LRRC49: variants seen among roughly 807,000 people sequenced by gnomAD.
LRRC49 encodes leucine-rich repeat-containing protein 49.
A neutral mutation model predicts 83.3 loss-of-function variants in LRRC49; 50 were observed. That is an observed-to-expected ratio of 0.60 (90% CI 0.48 to 0.76). The LOEUF is 0.76. Ranked by LOEUF, LRRC49 falls within the 30% of genes least tolerant of loss-of-function variation. The probability of loss-of-function intolerance (pLI) is 0.00; values close to 1 mark genes in which losing one functional copy is unlikely to be tolerated. For missense variants in LRRC49, 704 were observed against 809.1 expected (o/e 0.87, Z 1.58); for synonymous variants, 286 against 283.3 (o/e 1.01, Z -0.10).
intron 14 of LRRC49, among the ~76,000 whole-genome samples, chr15:71,018,634 A>G (rs1238650021): frequency 6.6e-6 from 1 of 152,178 alleles, no homozygotes; most frequent in African/African-American, 2.4e-5. Context: ...TTTTCCCTAC[A>G]CACTAGCCAG....
chr15:71,040,466 G>T (rs1815101227), intron 15 of LRRC49, among the ~76,000 whole-genome samples: 1 of 152,110 alleles, frequency 6.6e-6, no homozygotes, highest in Non-Finnish European at 1.5e-5. Context: ...TTGACTTTGA[G>T]TTAATGAAGA....
intron 6 of LRRC49, among the ~76,000 whole-genome samples, chr15:70,916,612 C>T (rs1037495275): frequency 3.3e-5 from 5 of 152,196 alleles, no homozygotes; most frequent in East Asian, 1.9e-4. Flanking sequence ...TGATTATTAA[C>T]GGCAGCAGCA....
intron 1 of LRRC49, among the ~76,000 whole-genome samples, chr15:70,862,947 T>A (rs79771242): frequency 0.016 from 2,457 of 152,236 alleles, 64 homozygotes; most frequent in African/African-American, 0.056. Context: ...ATTGTTCAGG[T>A]TGTACACAGC....
intron 2 of LRRC49, chr15:70,894,461 C>T: frequency 6.0e-6 from 2 of 335,278 alleles, no homozygotes; most frequent in East Asian, 8.9e-5. Flanking sequence ...TTTTTTTCCC[C>T]AAGATTATTT....
intron 11 of LRRC49, among the ~76,000 whole-genome samples, chr15:71,007,580 G>A (rs1359305038): frequency 6.6e-6 from 1 of 151,534 alleles, no homozygotes; most frequent in African/African-American, 2.4e-5. Context: ...TATTCACAAA[G>A]CAGATAATAT....
At chr15:70,957,231 T>G (rs1024049551) in intron 8 of LRRC49, among the ~76,000 whole-genome samples, 1 of 152,202 alleles carries the variant, frequency 6.6e-6, no homozygotes, top group African/African-American at 2.4e-5. Context: ...AGTTTAAAAT[T>G]CTACTTAGCA....
chr15:70,966,697 C>G (rs1388186866), intron 9 of LRRC49, among the ~76,000 whole-genome samples: 1 of 152,098 alleles, frequency 6.6e-6, no homozygotes, highest in Non-Finnish European at 1.5e-5. Flanking sequence ...GACCAAACTA[C>G]TTAGTAAACA....
At chr15:70,916,629 C>G (rs1373398969) in intron 6 of LRRC49, among the ~76,000 whole-genome samples, 1 of 152,200 alleles carries the variant, frequency 6.6e-6, no homozygotes, top group Non-Finnish European at 1.5e-5. Context: ...AGCAGGCCAT[C>G]TGGAGTGGCT....
intron 13 of LRRC49, among the ~76,000 whole-genome samples, chr15:71,011,559 G>A (rs1282613173): frequency 6.6e-6 from 1 of 151,974 alleles, no homozygotes; most frequent in Non-Finnish European, 1.5e-5. Context: ...TGTTTGTTAG[G>A]TCCTTGACCT....
intron 8 of LRRC49, among the ~76,000 whole-genome samples, chr15:70,939,167 T>C (rs939437327): frequency 7.9e-5 from 12 of 152,182 alleles, no homozygotes; most frequent in Non-Finnish European, 2.9e-5. Context: ...ATTGCAGTGT[T>C]AGAGTTTATT....
At position 70,893,614 on chromosome 15, in the gene LRRC49, ACAT is replaced by A. The variant is rs761779236; in HGVS notation, c.84_86del (p.Ser29del). On this transcript the variant is annotated inframe_deletion, in exon 2 of 16. Transcript: ENST00000260382. ...CTGCGGGCTTCATCTGGTTATTCAA[ACAT>A]CATCGCTTCCTGAAAAAAACAAAGT... 1.1e-5 allele frequency: 17 copies of A among 1,611,258 alleles called. No individual in the cohort carries two copies. The East Asian group carries it at 2.7e-4, about 25-fold the overall frequency.
intron 10 of LRRC49, among the ~76,000 whole-genome samples, chr15:70,983,210 C>T (rs756460829): frequency 1.4e-4 from 21 of 151,742 alleles, no homozygotes; most frequent in Admixed American, 4.6e-4. Flanking sequence ...TGAATAGAAA[C>T]GTTTCAATTT....
At chr15:70,969,704 G>T (rs1032367662) in intron 9 of LRRC49, among the ~76,000 whole-genome samples, 1 of 152,074 alleles carries the variant, frequency 6.6e-6, no homozygotes, top group African/African-American at 2.4e-5. Context: ...CACATCCCTT[G>T]TAAGTTGTAT....
intron 8 of LRRC49, among the ~76,000 whole-genome samples, chr15:70,955,420 T>G (rs549466609): frequency 6.6e-6 from 1 of 152,284 alleles, no homozygotes; most frequent in African/African-American, 2.4e-5. Context: ...CCCTTTCTAG[T>G]CTTAGCCCCA....
At chr15:70,864,856 T>C (rs2032876910) in intron 1 of LRRC49, among the ~76,000 whole-genome samples, 2 of 152,200 alleles carry the variant, frequency 1.3e-5, no homozygotes, top group Non-Finnish European at 2.9e-5. Flanking sequence ...TGTCTGTTCA[T>C]CAGTCATCTG....
At chr15:70,979,149 G>A (rs757666966) in intron 9 of LRRC49, among the ~76,000 whole-genome samples, 171 of 152,178 alleles carry the variant, frequency 1.1e-3, no homozygotes, top group Non-Finnish European at 1.9e-3. Flanking sequence ...GTCTTCGGGG[G>A]AAAAATTGTC....
chr15:70,859,280 G>A, intron 1 of LRRC49: 2 of 841,734 alleles, frequency 2.4e-6, no homozygotes, highest in Non-Finnish European at 4.2e-6. Context: ...TACAGAGGTG[G>A]AGAATGAATT....
At chr15:70,975,685 C>T (rs914418730) in intron 9 of LRRC49, among the ~76,000 whole-genome samples, 2 of 152,002 alleles carry the variant, frequency 1.3e-5, no homozygotes, top group Non-Finnish European at 2.9e-5. Flanking sequence ...AGAATGAGAT[C>T]CTGTCTCAAA....
intron 8 of LRRC49, among the ~76,000 whole-genome samples, chr15:70,961,548 A>G (rs548468454): frequency 6.6e-6 from 1 of 152,328 alleles, no homozygotes; most frequent in Admixed American, 6.5e-5. Context: ...ATATCCATAC[A>G]ATGGAATATT....
Sources: allele counts gnomAD v4.1 joint callset (sites outside exome capture counted in the v4.1 genomes callset), GRCh38; gene constraint gnomAD v4.1.1; transcripts MANE v1.5; gene names NCBI Gene and HGNC (gene_info 2026-07-23, HGNC 2026-07-21).